The following SLC9B1 variants were observed in gnomAD, a reference collection of about 807,000 sequenced individuals.
The protein encoded by SLC9B1 is sodium/hydrogen exchanger 9B1.
Under a neutral mutation model 51.7 loss-of-function variants are expected in SLC9B1, and 32 were observed. The observed-to-expected ratio is 0.62, with a 90% confidence interval of 0.47 to 0.83. The LOEUF is 0.83. SLC9B1 is among the 40% of genes least tolerant of loss of function. The pLI, the probability that SLC9B1 is intolerant of heterozygous loss-of-function variation, is 0.00. For missense variants in SLC9B1, 406 were observed against 613.2 expected (o/e 0.66, Z 3.57); for synonymous variants, 145 against 212.7 (o/e 0.68, Z 2.77).
chr4:102,893,485 T>A (rs1016407873), intron 11 of SLC9B1, among the ~76,000 whole-genome samples: 9 of 152,226 alleles, frequency 5.9e-5, no homozygotes, highest in Non-Finnish European at 1.2e-4. Context: ...AGTGATTTTT[T>A]AAAATCCATA....
chr4:102,982,822 T>C (rs375374472), intron 3 of SLC9B1, among the ~76,000 whole-genome samples: 11 of 152,152 alleles, frequency 7.2e-5, no homozygotes, highest in African/African-American at 2.2e-4. Context: ...AATCATCTTA[T>C]CTGTAAACAA....
chr4:102,998,730 G>C (rs1267019382), intron 1 of SLC9B1, among the ~76,000 whole-genome samples: 1 of 151,886 alleles, frequency 6.6e-6, no homozygotes, highest in Non-Finnish European at 1.5e-5. Context: ...CATCCCAATA[G>C]GTGTGAATGG....
At chr4:102,974,227 ACT>A (rs1338624200) in intron 3 of SLC9B1, among the ~76,000 whole-genome samples, 18 of 106,386 alleles carry the variant, frequency 1.7e-4, no homozygotes, top group Non-Finnish European at 3.2e-4. Context: ...ACAGAGCAAG[ACT>A]CTGTCTAAAA....
intron 3 of SLC9B1, among the ~76,000 whole-genome samples, chr4:102,970,317 G>C (rs61279319): frequency 0.14 from 20,559 of 152,176 alleles, 1,491 homozygotes; most frequent in Admixed American, 0.17. Flanking sequence ...AGCCAGAAGA[G>C]AGTGGGTGCC....
intron 3 of SLC9B1, among the ~76,000 whole-genome samples, chr4:102,983,901 A>G (rs930356537): frequency 6.6e-6 from 1 of 151,884 alleles, no homozygotes; most frequent in African/African-American, 2.4e-5. Context: ...AAATTATATT[A>G]CTTTTTTTCT....
chr4:102,974,462 T>C (rs1046648843), intron 3 of SLC9B1, among the ~76,000 whole-genome samples: 9 of 151,938 alleles, frequency 5.9e-5, no homozygotes, highest in African/African-American at 1.9e-4. Flanking sequence ...TAAGCAATAT[T>C]AGGAATAAAA....
At chr4:102,991,787 T>C (rs1578406158) in intron 1 of SLC9B1, 75 bp from the exon 2 acceptor site, 1 of 1,036,044 alleles carries the variant, frequency 9.7e-7, no homozygotes, top group East Asian at 2.8e-5. Context: ...CATGGTTAAG[T>C]GGGATTAATT....
At chr4:102,972,472 C>T (rs1738816466) in intron 3 of SLC9B1, among the ~76,000 whole-genome samples, 1 of 152,128 alleles carries the variant, frequency 6.6e-6, no homozygotes, top group African/African-American at 2.4e-5. Context: ...TCTTGAACTC[C>T]TGGGCTCAGG....
At chr4:102,970,157 G>A (rs555999198) in intron 3 of SLC9B1, among the ~76,000 whole-genome samples, 39 of 152,228 alleles carry the variant, frequency 2.6e-4, no homozygotes, top group African/African-American at 8.4e-4. Context: ...GATACTCCTC[G>A]AGAAGAGCAA....
At chr4:102,954,760 G>T (rs1039346816) in intron 3 of SLC9B1, among the ~76,000 whole-genome samples, 5 of 152,060 alleles carry the variant, frequency 3.3e-5, no homozygotes, top group Admixed American at 6.6e-5. Context: ...AAAAAGGAAG[G>T]AACAATGTGC....
Position 102,984,402 on chromosome 4 carries a change from C to A in SLC9B1, c.211+5398G>T, listed in dbSNP as rs1166171855. 2.0e-5 allele frequency among the ~76,000 whole-genome samples: 3 copies of A among 152,166 alleles called. No individual in the cohort carries two copies. In the East Asian group the frequency reaches 5.8e-4, roughly 29 times the overall value. On this transcript the variant is annotated intron_variant, in intron 3 of 11. Coordinates refer to ENST00000296422, the MANE Select transcript of SLC9B1 (RefSeq NM_139173.4). The stretch of plus-strand genomic sequence containing the variant: ...GAGTACTGGGATTACAGGTGTGAGC[C>A]AACATGTCTGGCTGTTCAAAGTATT...
chr4:102,898,061 T>G (rs897422809), downstream of SLC9B1: 25 of 464,828 alleles, frequency 5.4e-5, no homozygotes, highest in Middle Eastern at 3.6e-4. Context: ...GCCCTAGTCG[T>G]GCTGGTAAAA....
chr4:102,974,576 C>T (rs1340730733), intron 3 of SLC9B1, among the ~76,000 whole-genome samples: 1 of 152,114 alleles, frequency 6.6e-6, no homozygotes, highest in Non-Finnish European at 1.5e-5. Flanking sequence ...ACTTCGTTGG[C>T]TACTATAACT....
At chr4:102,947,820 T>C (rs189509487) in intron 4 of SLC9B1, among the ~76,000 whole-genome samples, 2 of 152,338 alleles carry the variant, frequency 1.3e-5, no homozygotes, top group East Asian at 3.9e-4. Context: ...ATATTTCCGG[T>C]CACAAAACAT....
At chr4:102,912,700 G>A (rs895705278) in intron 7 of SLC9B1, among the ~76,000 whole-genome samples, 1 of 152,078 alleles carries the variant, frequency 6.6e-6, no homozygotes, top group Non-Finnish European at 1.5e-5. Context: ...GGGCAACAGA[G>A]TGAAACCCCA....
In SLC9B1 at chr4:102,911,575, G is replaced by T. The variant is rs781079651; in HGVS notation, c.830-38C>A. On this transcript the variant is annotated intron_variant, in intron 7 of 11. Coordinates refer to ENST00000296422, the MANE Select transcript of SLC9B1 (RefSeq NM_139173.4). The stretch of plus-strand genomic sequence containing the variant: ...ACAATAAAAAAAAATTCACAAAGAA[G>T]TATCTTCACATACACTACACATCAG... The T allele has an allele frequency of 1.1e-5, 15 of 1,317,288 alleles. No homozygotes were observed. In the Middle Eastern group the frequency reaches 7.8e-4, roughly 69 times the overall value. 81.6% of individuals were successfully genotyped at this position (1,317,288 alleles called of 1,614,324 possible).
intron 4 of SLC9B1, among the ~76,000 whole-genome samples, 154 bp downstream of exon 4, chr4:102,949,103 C>T (rs1472174104): frequency 6.6e-6 from 1 of 151,272 alleles, no homozygotes; most frequent in Non-Finnish European, 1.5e-5. Flanking sequence ...AGGAGCTGTA[C>T]ACACACACAC....
intron 7 of SLC9B1, among the ~76,000 whole-genome samples, chr4:102,930,629 G>A (rs901175150): frequency 4.6e-5 from 7 of 151,868 alleles, no homozygotes; most frequent in Non-Finnish European, 7.4e-5. Flanking sequence ...GGCTGGTCTT[G>A]AACTCCTGAT....
At chr4:102,988,528 C>T (rs931406004) in intron 3 of SLC9B1, among the ~76,000 whole-genome samples, 3 of 152,070 alleles carry the variant, frequency 2.0e-5, no homozygotes, top group Non-Finnish European at 4.4e-5. Context: ...ATTACTTATT[C>T]CATGATGCGG....
Sources: allele counts gnomAD v4.1 joint callset (sites outside exome capture counted in the v4.1 genomes callset), GRCh38; gene constraint gnomAD v4.1.1; transcripts MANE v1.5; gene names NCBI Gene and HGNC (gene_info 2026-07-23, HGNC 2026-07-21).